Variants in UNC13A observed in about 807,000 individuals in gnomAD.
UNC13A encodes unc-13 homolog A, also known as protein unc-13 homolog A.
A neutral mutation model predicts 219.7 loss-of-function variants in UNC13A; 61 were observed. The ratio of observed to expected loss-of-function variants is 0.28; its 90% CI spans 0.23 to 0.34. UNC13A has a LOEUF of 0.34. Among genes scored for constraint, UNC13A ranks in the 10% least tolerant of loss-of-function variants. The probability of loss-of-function intolerance (pLI) is 1.00; values close to 1 mark genes in which losing one functional copy is unlikely to be tolerated. For synonymous variants in UNC13A, 920 were observed against 884.6 expected (o/e 1.04, Z -0.71); for missense variants, 1,476 against 2,270.3 (o/e 0.65, Z 7.11).
At chr19:17,655,540 C>T (rs893161690) in intron 10 of UNC13A, among the ~76,000 whole-genome samples, 158 bp from the exon 11 acceptor site, 2 of 152,088 alleles carry the variant, frequency 1.3e-5, no homozygotes, top group African/African-American at 4.8e-5. Flanking sequence ...CACCTCAGTG[C>T]CCCTCACCCC....
At chr19:17,665,110 G>C (rs2079617072) in intron 7 of UNC13A, among the ~76,000 whole-genome samples, 1 of 151,756 alleles carries the variant, frequency 6.6e-6, no homozygotes, top group Non-Finnish European at 1.5e-5. Flanking sequence ...TGAGGCACAA[G>C]AATCACTCAA....
At chr19:17,682,602 A>G (rs1280595489) in intron 1 of UNC13A, among the ~76,000 whole-genome samples, 3 of 152,154 alleles carry the variant, frequency 2.0e-5, no homozygotes, top group Admixed American at 2.0e-4. Flanking sequence ...TCCCATGAGA[A>G]CGGTAGGAGC....
intron 15 of UNC13A, 106 bp downstream of exon 15, chr19:17,648,806 C>A (rs1325805483): frequency 1.1e-5 from 17 of 1,492,694 alleles, no homozygotes; most frequent in Admixed American, 2.1e-5. Context: ...GTCTGTGTCA[C>A]ACACACACCC....
At chr19:17,624,359 T>C (rs2076760272) in intron 35 of UNC13A, among the ~76,000 whole-genome samples, 1 of 152,088 alleles carries the variant, frequency 6.6e-6, no homozygotes, top group Non-Finnish European at 1.5e-5. Context: ...CCTCAAGCAA[T>C]CTGCCCGCCT....
In UNC13A at chr19:17,676,042, CTG is replaced by C. The variant is rs1282774023; in HGVS notation, c.23-3_23-2del. 3.9e-6 allele frequency: 6 copies of C among 1,551,404 alleles called. No individual in the cohort carries two copies. Among genetic ancestry groups the C allele is most frequent in the Non-Finnish European group, 5.2e-6 (6 of 1,146,976 alleles). On this transcript the variant is annotated splice_acceptor_variant and splice_polypyrimidine_tract_variant and intron_variant, in intron 1 of 43. Coordinates refer to ENST00000519716, the MANE Select transcript of UNC13A (RefSeq NM_001080421.3). LOFTEE classifies it high-confidence loss of function. Reference sequence around the variant, plus strand: ...GCACCATCAAACTTGGCTTTTTTGACTGTGGAGAGAGACAGAGATAGGGAAGG... The same window carrying C: ...GCACCATCAAACTTGGCTTTTTTGACTGGAGAGAGACAGAGATAGGGAAGG...
intron 19 of UNC13A, among the ~76,000 whole-genome samples, chr19:17,645,470 G>A (rs946735213): frequency 2.0e-5 from 3 of 152,030 alleles, no homozygotes; most frequent in Non-Finnish European, 2.9e-5. Flanking sequence ...TGAACTAAGA[G>A]GTTCCTGGGC....
chr19:17,663,393 C>T, intron 8 of UNC13A, 139 bp downstream of exon 8: 1 of 693,414 alleles, frequency 1.4e-6, no homozygotes, highest in Non-Finnish European at 2.2e-6. Flanking sequence ...TGAAAGGGGT[C>T]TTGCTGAGCC....
intron 38 of UNC13A, among the ~76,000 whole-genome samples, chr19:17,619,541 T>C (rs10421337): frequency 1.3e-3 from 201 of 151,302 alleles, no homozygotes; most frequent in African/African-American, 4.6e-3. Context: ...GCTCAAGCAA[T>C]CCTCCCGCCT....
intron 43 of UNC13A, among the ~76,000 whole-genome samples, chr19:17,609,322 C>G (rs1243396170): frequency 6.6e-6 from 1 of 151,938 alleles, no homozygotes; most frequent in Non-Finnish European, 1.5e-5. Context: ...AGACCCTATC[C>G]TGATACCCGC....
intron 43 of UNC13A, among the ~76,000 whole-genome samples, chr19:17,609,106 C>T (rs1216077204): frequency 1.4e-5 from 2 of 146,730 alleles, no homozygotes; most frequent in African/African-American, 5.1e-5. Context: ...CACAGGCGTG[C>T]GCCACCACAC....
At chr19:17,628,339 C>T (rs536168293) in intron 31 of UNC13A, 10 of 223,778 alleles carry the variant, frequency 4.5e-5, no homozygotes, top group Admixed American at 1.6e-4. Context: ...GATATACACA[C>T]GAGACCCCCC....
At chr19:17,611,453 C>T (rs2076602983) in intron 42 of UNC13A, among the ~76,000 whole-genome samples, 2 of 152,342 alleles carry the variant, frequency 1.3e-5, no homozygotes, top group South Asian at 4.1e-4. Flanking sequence ...GCTGGGATTA[C>T]AGGCATGAGC....
At chr19:17,676,413 C>T (rs1599413975) in intron 1 of UNC13A, among the ~76,000 whole-genome samples, 1 of 152,104 alleles carries the variant, frequency 6.6e-6, no homozygotes, top group East Asian at 1.9e-4. Context: ...AAGCTCCCAA[C>T]TAGCTGTGCC....
At chr19:17,666,583 C>T (rs1384729086) in intron 7 of UNC13A, 67 bp downstream of exon 7, 2 of 1,249,860 alleles carry the variant, frequency 1.6e-6, no homozygotes, top group African/African-American at 1.6e-5. Context: ...TTAGACAGGA[C>T]AGTCATGGGG....
chr19:17,607,428 A>AT lies in UNC13A; in HGVS notation c.4812-1075dup, dbSNP rs1434316263. Among the ~76,000 whole-genome samples, 5 of 69,376 alleles carry AT rather than the reference A, an allele frequency of 7.2e-5. No homozygotes were observed. The East Asian group carries it at 2.0e-3, about 27-fold the overall frequency. The allele number at this position is 69,376 out of a possible 152,430, so 45.5% of individuals were successfully genotyped here. On this transcript the variant is annotated intron_variant, in intron 43 of 43. Coordinates refer to ENST00000519716, the MANE Select transcript of UNC13A (RefSeq NM_001080421.3). ...AGGCATGCACCACCACACCGGGCTG[A>AT]TTTTTTGTGTTTTTAGTACAGATGG... is the stretch of plus-strand genomic sequence containing the variant.
Position 17,688,262 on chromosome 19 carries a change from G to T in UNC13A, c.-63C>A, listed in dbSNP as rs2080153649. ...CGGCTCTGTCGGGTCGGGCTCAGCG[G>T]CCGCTGGGCTGGGGCATCTCCCGGC... On this transcript the variant is annotated 5_prime_UTR_variant, in exon 1 of 44. Coordinates refer to ENST00000519716, the MANE Select transcript of UNC13A (RefSeq NM_001080421.3). 1 of 1,406,092 alleles carries T rather than the reference G, an allele frequency of 7.1e-7. No individual in the cohort carries two copies. The allele number at this position is 1,406,092 out of a possible 1,614,324, so 87.1% of individuals were successfully genotyped here.
chr19:17,653,861 C>G (rs62121692), intron 11 of UNC13A, among the ~76,000 whole-genome samples: 2,552 of 120,304 alleles, frequency 0.021, 30 homozygotes, highest in Middle Eastern at 0.036. Flanking sequence ...GAGTCTCGCT[C>G]TGTCACCCAG....
chr19:17,685,829 G>A (rs11882674), intron 1 of UNC13A, among the ~76,000 whole-genome samples: 12 of 152,066 alleles, frequency 7.9e-5, no homozygotes, highest in African/African-American at 2.7e-4. Context: ...GTGGAGGGGA[G>A]GGGGGACAGG....
At chr19:17,624,978 G>C in intron 34 of UNC13A, 26 bp from the exon 35 acceptor site, 1 of 1,606,778 alleles carries the variant, frequency 6.2e-7, no homozygotes, top group Non-Finnish European at 8.5e-7. Context: ...AGGTCTGAGA[G>C]AGGGCCCAGC....
Sources: gnomAD v4.1 joint callset for allele counts (sites outside exome capture counted in the v4.1 genomes callset) on GRCh38, gnomAD v4.1.1 for gene constraint, MANE v1.5 for transcripts, NCBI Gene and HGNC (gene_info 2026-07-23, HGNC 2026-07-21) for gene names.